Variants in GRIK1 observed in about 807,000 individuals in gnomAD.
The protein encoded by GRIK1 is glutamate receptor ionotropic, kainate 1.
In GRIK1, 69 loss-of-function variants were observed where a neutral mutation model predicts 105.7. The observed-to-expected ratio is 0.65, with a 90% CI of 0.54 to 0.80. The LOEUF (loss-of-function observed/expected upper bound fraction) is 0.80, where lower values mean the gene tolerates loss of function less well. Ranked by LOEUF, GRIK1 falls within the 30% of genes least tolerant of loss-of-function variation. The pLI is 0.00. For missense variants in GRIK1, 1,109 were observed against 1,167.3 expected, an observed-to-expected ratio of 0.95 and a Z score of 0.73; for synonymous variants, 438 against 431.3, an observed-to-expected ratio of 1.02 and a Z score of -0.19.
intron 4 of GRIK1, among the ~76,000 whole-genome samples, chr21:29,668,469 G>T (rs181435178): frequency 1.0e-3 from 153 of 152,302 alleles, no homozygotes; most frequent in African/African-American, 3.5e-3. Flanking sequence ...GTGTCACGTG[G>T]CCAGAAAGGA....
At chr21:29,750,131 G>C (rs59112328) in intron 1 of GRIK1, among the ~76,000 whole-genome samples, 14,820 of 151,822 alleles carry the variant, frequency 0.098, 1,533 homozygotes, top group African/African-American at 0.26. Flanking sequence ...TGAGGAGAGG[G>C]AAGCATCTTT....
intron 1 of GRIK1, among the ~76,000 whole-genome samples, chr21:29,838,204 T>C (rs907546290): frequency 6.6e-6 from 1 of 152,146 alleles, no homozygotes; most frequent in African/African-American, 2.4e-5. Context: ...GTAGCGAATA[T>C]AGTATCATAG....
intron 1 of GRIK1, among the ~76,000 whole-genome samples, chr21:29,790,153 G>A (rs1050812149): frequency 3.9e-5 from 6 of 152,092 alleles, no homozygotes; most frequent in Admixed American, 1.3e-4. Context: ...AGGTTCAAGC[G>A]ATTCTCCTGC....
chr21:29,895,844 G>A (rs748447455), intron 1 of GRIK1, among the ~76,000 whole-genome samples: 8 of 152,278 alleles, frequency 5.3e-5, no homozygotes, highest in East Asian at 1.9e-4. Context: ...TTTCACATAC[G>A]TGAAATTCAG....
intron 1 of GRIK1, among the ~76,000 whole-genome samples, chr21:29,796,525 T>C (rs944443212): frequency 3.9e-5 from 6 of 152,178 alleles, no homozygotes; most frequent in Admixed American, 1.3e-4. Context: ...AAATATTATG[T>C]AAGCTATTTT....
chr21:29,614,450 G>A (rs1241673187), intron 7 of GRIK1, among the ~76,000 whole-genome samples: 1 of 87,172 alleles, frequency 1.1e-5, no homozygotes, highest in Non-Finnish European at 2.1e-5. Context: ...TTTCGCCCTT[G>A]TTGCCCAGGC....
intron 1 of GRIK1, among the ~76,000 whole-genome samples, chr21:29,726,735 A>G (rs1233331436): frequency 1.3e-5 from 2 of 151,778 alleles, no homozygotes; most frequent in South Asian, 2.1e-4. Flanking sequence ...AATCCTTCTT[A>G]TGTACAAACA....
chr21:29,644,182 A>G (rs570747864), intron 6 of GRIK1, among the ~76,000 whole-genome samples: 6 of 152,178 alleles, frequency 3.9e-5, no homozygotes, highest in Non-Finnish European at 7.4e-5. Flanking sequence ...AGGGGTTACT[A>G]TATCTCACAA....
chr21:29,845,946 T>G (rs931543312), intron 1 of GRIK1, among the ~76,000 whole-genome samples: 1 of 152,144 alleles, frequency 6.6e-6, no homozygotes, highest in Non-Finnish European at 1.5e-5. Flanking sequence ...TGTTTTTGCC[T>G]TCCAAAAAGG....
chr21:29,929,101 C>T (rs536715504), intron 1 of GRIK1, among the ~76,000 whole-genome samples: 43 of 152,238 alleles, frequency 2.8e-4, no homozygotes, highest in African/African-American at 9.9e-4. Context: ...TAAAATAAAG[C>T]AGATACTGCA....
chr21:29,796,070 A>G (rs950877948), intron 1 of GRIK1, among the ~76,000 whole-genome samples: 3 of 152,224 alleles, frequency 2.0e-5, no homozygotes, highest in Admixed American at 1.3e-4. Flanking sequence ...AATAAAGGAT[A>G]GGACTCAGTT....
At chr21:29,631,705 C>A (rs558690688) in intron 7 of GRIK1, among the ~76,000 whole-genome samples, 8 of 152,134 alleles carry the variant, frequency 5.3e-5, no homozygotes, top group Non-Finnish European at 8.8e-5. Context: ...AAAAAAAGTA[C>A]AATTGCTCAT....
At chr21:29,573,094 A>C (rs1381928212) in intron 14 of GRIK1, among the ~76,000 whole-genome samples, 6 of 152,084 alleles carry the variant, frequency 3.9e-5, no homozygotes, top group Admixed American at 3.9e-4. Flanking sequence ...TTTTTTAAAG[A>C]TAAAATGAGG....
chr21:29,587,964 C>CTTTTTTCTTTTTTTT (rs2091167348), intron 11 of GRIK1, among the ~76,000 whole-genome samples: 1 of 65,406 alleles, frequency 1.5e-5, no homozygotes, highest in African/African-American at 6.6e-5. Flanking sequence ...CTTTAAAATT[C>CTTTTTTCTTTTTTTT]TTTTTTTTTT....
intron 9 of GRIK1, 127 bp from the exon 10 acceptor site, chr21:29,591,352 G>A: frequency 2.8e-6 from 2 of 714,406 alleles, no homozygotes; most frequent in Non-Finnish European, 5.1e-6. Flanking sequence ...CATCACAGTG[G>A]AAGCTACTAA....
At position 29,560,396 on chromosome 21, in the gene GRIK1, C is replaced by CTTTCTTT. The variant is rs1568814142; in HGVS notation, c.2356+1227_2356+1228insAAAGAAA. Among the ~76,000 whole-genome samples, 468 of 60,296 alleles carry CTTTCTTT rather than the reference C, an allele frequency of 7.8e-3. 63 individuals carry two copies. The highest frequency in any genetic ancestry group is 0.048 in the East Asian group (88 of 1,832). 39.6% of individuals were successfully genotyped at this position (60,296 alleles called of 152,430 possible). A position where few individuals can be genotyped will look rare whatever the true frequency, so the allele number is the denominator to read the frequency against. ...TCCTTCCTTCCTTCCTTCCTTCCTT[C>CTTTCTTT]CTTCCTTTCTTTCTTTCTTTCTTTC... On this transcript the variant is annotated intron_variant, in intron 15 of 17. Coordinates refer to ENST00000327783, the MANE Select transcript of GRIK1 (RefSeq NM_001330994.2).
chr21:29,742,779 T>A (rs1270065640), intron 1 of GRIK1, among the ~76,000 whole-genome samples: 1 of 152,222 alleles, frequency 6.6e-6, no homozygotes, highest in Non-Finnish European at 1.5e-5. Flanking sequence ...TTTATGAACA[T>A]AGTGAATCTG....
chr21:29,588,782 C>T, intron 11 of GRIK1, 57 bp downstream of exon 11: 8 of 935,556 alleles, frequency 8.6e-6, no homozygotes, highest in Middle Eastern at 2.2e-4. Context: ...ATCATTTTTT[C>T]CTCTCTTACT....
intron 16 of GRIK1, among the ~76,000 whole-genome samples, chr21:29,546,211 G>A (rs1375166880): frequency 6.6e-6 from 1 of 152,186 alleles, no homozygotes; most frequent in Non-Finnish European, 1.5e-5. Flanking sequence ...CCAGTCCACT[G>A]GTTCTCTCAG....
Sources: allele counts gnomAD v4.1 joint callset (sites outside exome capture counted in the v4.1 genomes callset), GRCh38; gene constraint gnomAD v4.1.1; transcripts MANE v1.5; gene names NCBI Gene and HGNC (gene_info 2026-07-23, HGNC 2026-07-21).